Variants in CPM observed in about 807,000 individuals in gnomAD.
CPM encodes carboxypeptidase M.
A neutral mutation model predicts 46.4 loss-of-function variants in CPM; 35 were observed. That is an observed-to-expected ratio of 0.75 (90% CI 0.58 to 1.00). The LOEUF (loss-of-function observed/expected upper bound fraction) is 1.00, where lower values mean the gene tolerates loss of function less well. Among genes scored for constraint, CPM ranks in the 50% least tolerant of loss-of-function variants. The pLI is 0.00. For missense variants in CPM, 422 were observed against 530.4 expected, an observed-to-expected ratio of 0.80 and a Z score of 2.01; for synonymous variants, 195 against 195.3, an observed-to-expected ratio of 1.00 and a Z score of 0.01.
At chr12:68,888,187 C>T (rs1423957655) in intron 2 of CPM, among the ~76,000 whole-genome samples, 1 of 152,106 alleles carries the variant, frequency 6.6e-6, no homozygotes, top group African/African-American at 2.4e-5. Context: ...TAATATTTAT[C>T]AATAGTTATT....
chr12:68,940,108 ATTTTTC>A (rs1888737379), intron 1 of CPM, among the ~76,000 whole-genome samples: 1 of 150,664 alleles, frequency 6.6e-6, no homozygotes, highest in African/African-American at 2.4e-5. Flanking sequence ...TTATTTTTTC[ATTTTTC>A]TTCTTTCATC....
chr12:68,891,846 C>A (rs1227473789), intron 2 of CPM, among the ~76,000 whole-genome samples: 1 of 152,140 alleles, frequency 6.6e-6, no homozygotes, highest in Admixed American at 6.5e-5. Context: ...AAACGACTCT[C>A]ATGTCTCAGT....
At chr12:68,933,016 G>A (rs1793834248) in intron 1 of CPM, 126 bp downstream of exon 1, 9 of 555,252 alleles carry the variant, frequency 1.6e-5, no homozygotes, top group Non-Finnish European at 2.5e-5. Flanking sequence ...ACCAGAGACC[G>A]GGAGCACGGG....
intron 2 of CPM, among the ~76,000 whole-genome samples, chr12:68,928,743 T>A (rs1251655114): frequency 1.1e-5 from 1 of 88,682 alleles, no homozygotes; most frequent in South Asian, 2.9e-4. Flanking sequence ...GACAAGATAC[T>A]TTTTTTTTTT....
rs560055653 is a variant in CPM, at chr12:68,863,717, C to A, written c.940+3179G>T. Among the ~76,000 whole-genome samples, 9 of 152,266 alleles carry A rather than the reference C, an allele frequency of 5.9e-5. No individual in the cohort carries two copies. In the South Asian group the frequency reaches 1.5e-3, roughly 25 times the overall value. ...CTAAGCCTCTACCCTCTTGGCAAGG[C>A]CCTTCCACTAAAGCAGAAGGCCTTT... On this transcript the variant is annotated intron_variant, in intron 7 of 8. Transcript: ENST00000551568.
chr12:68,901,394 G>A (rs756900835), intron 2 of CPM, among the ~76,000 whole-genome samples: 1 of 152,222 alleles, frequency 6.6e-6, no homozygotes, highest in African/African-American at 2.4e-5. Context: ...AAGCCCCAAG[G>A]TGAGGAATTC....
intron 3 of CPM, among the ~76,000 whole-genome samples, chr12:68,883,021 AAC>A (rs1009372047): frequency 6.6e-6 from 1 of 151,840 alleles, no homozygotes; most frequent in African/African-American, 2.4e-5. Context: ...CACACACACA[AAC>A]ACACACACAC....
chr12:68,892,667 C>A (rs796130416), intron 2 of CPM, among the ~76,000 whole-genome samples: 16 of 152,248 alleles, frequency 1.1e-4, no homozygotes, highest in African/African-American at 3.9e-4. Context: ...TGAGACCAGC[C>A]TGCCTAACAT....
rs1479607129 is a variant in CPM, at chr12:68,885,695, C to T, written c.258+97G>A. The T allele has an allele frequency of 5.1e-6, 5 of 979,350 alleles. No homozygotes were observed. In the East Asian group the frequency reaches 7.2e-5, roughly 14 times the overall value. The allele number at this position is 979,350 out of a possible 1,614,324, so 60.7% of individuals were successfully genotyped here. On this transcript the variant is annotated intron_variant, in intron 3 of 8. Transcript: ENST00000551568. ...TTCTTTGTACAATGCATGCTGGAGA[C>T]TTCTCCAGGCTTCCTCGGTAGCATT...
chr12:68,928,114 CAAACT>C (rs1888346486), intron 2 of CPM, among the ~76,000 whole-genome samples: 1 of 152,216 alleles, frequency 6.6e-6, no homozygotes, highest in Admixed American at 6.5e-5. Context: ...TACCTGACTT[CAAACT>C]ATACTACGAG....
chr12:68,938,087 T>C (rs1888700053), upstream of CPM, among the ~76,000 whole-genome samples: 2 of 152,198 alleles, frequency 1.3e-5, no homozygotes, highest in African/African-American at 4.8e-5. Flanking sequence ...GGAATAACTA[T>C]AGTCGGGGCT....
chr12:68,923,915 TTAAAACTG>T (rs146369766), intron 2 of CPM, among the ~76,000 whole-genome samples: 5,883 of 152,224 alleles, frequency 0.039, 374 homozygotes, highest in African/African-American at 0.13. Context: ...TCAGTATATA[TTAAAACTG>T]TTGGGGGGAA....
At chr12:68,879,885 T>C (rs561253930) in intron 3 of CPM, among the ~76,000 whole-genome samples, 3 of 152,220 alleles carry the variant, frequency 2.0e-5, no homozygotes, top group Admixed American at 6.5e-5. Flanking sequence ...AGGCTGAGGA[T>C]GTTAGATGCT....
At chr12:68,955,842 G>A (rs1889007808) in intron 1 of CPM, among the ~76,000 whole-genome samples, 1 of 152,128 alleles carries the variant, frequency 6.6e-6, no homozygotes, top group African/African-American at 2.4e-5. Context: ...GAGAAAGTGT[G>A]TATGGATTGG....
At chr12:68,937,934 A>G (rs1195816), upstream of CPM, among the ~76,000 whole-genome samples, 99,621 of 152,040 alleles carry the variant, frequency 0.66, 34,021 homozygotes, top group African/African-American at 0.86. Context: ...GGATCAAAAT[A>G]TCTTAGAGTG....
At chr12:68,869,578 TC>T in intron 5 of CPM, 83 bp from the exon 6 acceptor site, 1 of 1,241,710 alleles carries the variant, frequency 8.1e-7, no homozygotes, top group Non-Finnish European at 1.1e-6. Context: ...AAAGACATAA[TC>T]GCATCACACA....
chr12:68,946,524 G>T (rs1309523666), intron 1 of CPM, among the ~76,000 whole-genome samples: 1 of 152,090 alleles, frequency 6.6e-6, no homozygotes, highest in Non-Finnish European at 1.5e-5. Flanking sequence ...GGGATTCCTA[G>T]GCCTATCAGA....
At chr12:68,903,805 T>G (rs1887216152) in intron 2 of CPM, among the ~76,000 whole-genome samples, 1 of 152,038 alleles carries the variant, frequency 6.6e-6, no homozygotes, top group African/African-American at 2.4e-5. Context: ...TCCCTCTGTC[T>G]CTCCTTCCCT....
At chr12:68,915,964 A>G (rs1368389147) in intron 2 of CPM, among the ~76,000 whole-genome samples, 1 of 152,212 alleles carries the variant, frequency 6.6e-6, no homozygotes, top group Non-Finnish European at 1.5e-5. Context: ...AGCACAGTGC[A>G]TGGCAGATAA....
Sources: allele counts gnomAD v4.1 joint callset (sites outside exome capture counted in the v4.1 genomes callset), GRCh38; gene constraint gnomAD v4.1.1; transcripts MANE v1.5; gene names NCBI Gene and HGNC (gene_info 2026-07-23, HGNC 2026-07-21).